STX3: variants seen among roughly 807,000 people sequenced by gnomAD.
The protein encoded by STX3 is syntaxin-3.
A neutral mutation model predicts 40.2 loss-of-function variants in STX3; 19 were observed. That is an observed-to-expected ratio of 0.47 (90% confidence interval 0.33 to 0.69). The LOEUF (loss-of-function observed/expected upper bound fraction) is 0.69, where lower values mean the gene tolerates loss of function less well. Ranked by LOEUF, STX3 falls within the 30% of genes least tolerant of loss-of-function variation. The pLI is 0.02. For missense variants in STX3, 364 were observed against 366.7 expected, an observed-to-expected ratio of 0.99 and a Z score of 0.06; for synonymous variants, 122 against 132.2, an observed-to-expected ratio of 0.92 and a Z score of 0.53.
At chr11:59,789,908 TC>T (rs986043058) in intron 4 of STX3, among the ~76,000 whole-genome samples, 2 of 152,242 alleles carry the variant, frequency 1.3e-5, no homozygotes, top group Non-Finnish European at 2.9e-5. Context: ...ATTCAGTTCT[TC>T]CAGAGCCTAG....
intron 2 of STX3, among the ~76,000 whole-genome samples, chr11:59,780,002 G>A (rs771081948): frequency 1.7e-4 from 26 of 152,094 alleles, no homozygotes; most frequent in Non-Finnish European, 2.4e-4. Flanking sequence ...TGCATTTCTG[G>A]GCTCTTCCAA....
At chr11:59,775,278 C>A (rs918107184) in intron 2 of STX3, among the ~76,000 whole-genome samples, 1 of 152,206 alleles carries the variant, frequency 6.6e-6, no homozygotes, top group South Asian at 2.1e-4. Flanking sequence ...TGAGATCAAA[C>A]AACACTTAGG....
chr11:59,795,780 C>A, intron 9 of STX3: 1 of 1,377,332 alleles, frequency 7.3e-7, no homozygotes, highest in Non-Finnish European at 1.0e-6. Context: ...CCCTGGCCAC[C>A]CCTACCTGTG....
At chr11:59,789,049 C>T in intron 4 of STX3, 102 bp downstream of exon 4, 1 of 1,025,866 alleles carries the variant, frequency 9.7e-7, no homozygotes, top group Admixed American at 2.2e-5. Flanking sequence ...ATGGAAGTGA[C>T]ACCACTTGGT....
intron 10 of STX3, chr11:59,800,563 G>A (rs1398216753): frequency 5.1e-6 from 5 of 985,260 alleles, no homozygotes; most frequent in African/African-American, 1.7e-5. Context: ...TGCAGAGCAG[G>A]TGTTTTCACT....
Position 59,804,517 on chromosome 11 carries a change from C to G in STX3, c.*3693C>G, listed in dbSNP as rs1206386649. On this transcript the variant is annotated 3_prime_UTR_variant, in exon 11 of 11. Transcript: ENST00000337979. ...GTACCAATGAGAACGTGGTTTGTTA[C>G]TGTCAGAGGCTGTGTAAAGCCGCTT... 1 of 152,228 alleles carries G rather than the reference C, an allele frequency of 6.6e-6. No individual in the cohort carries two copies. Among genetic ancestry groups the G allele is most frequent in the East Asian group, 1.9e-4 (1 of 5,190 alleles). The allele number at this position is 152,228 out of a possible 1,614,324, so 9.4% of individuals were successfully genotyped here.
rs1865221496 is a variant in STX3, at chr11:59,792,201, G to A, written c.452G>A (p.Arg151Gln). ...GAACGCAGCAAAGGGCGAATCCAGC[G>A]GCAGCTCGAAATTAGTATGTACTTG... The part of the protein sequence containing the change: ...FRERSKGRIQ[R>Q]QLEITGKKTT... Residue 151 changes from arginine (R) to glutamine (Q), a missense_variant, in exon 6 of 11, where the codon CGG becomes CAG. Arg to Gln is a conservative substitution (Grantham distance 43, BLOSUM62 1). Transcript: ENST00000337979. 3 of 1,613,706 alleles carry A rather than the reference G, an allele frequency of 1.9e-6. No homozygotes were observed. Among genetic ancestry groups the A allele is most frequent in the Non-Finnish European group, 2.5e-6 (3 of 1,180,024 alleles).
At chr11:59,789,979 C>T (rs1307385673) in intron 4 of STX3, among the ~76,000 whole-genome samples, 3 of 152,150 alleles carry the variant, frequency 2.0e-5, no homozygotes, top group African/African-American at 7.2e-5. Context: ...TTGGTGCATG[C>T]ATGCTATTGA....
Position 59,801,907 on chromosome 11 carries a change from G to C in STX3, c.*1083G>C. On this transcript the variant is annotated 3_prime_UTR_variant, in exon 11 of 11. Transcript: ENST00000337979. ...TGCAAATGAATCACTGTGGAAATGT[G>C]ATCTTCCCATATCATCAAGAAACTT... 3 of 985,448 alleles carry C rather than the reference G, an allele frequency of 3.0e-6. No individual in the cohort carries two copies. Among genetic ancestry groups the C allele is most frequent in the Non-Finnish European group, 3.6e-6 (3 of 829,922 alleles). The allele number at this position is 985,448 out of a possible 1,614,324, so 61.0% of individuals were successfully genotyped here.
Position 59,790,661 on chromosome 11 carries a change from T to G in STX3, c.357+75T>G, listed in dbSNP as rs146100066. The G allele has an allele frequency of 1.1e-4, 125 of 1,127,060 alleles. No homozygotes were observed. The African/African-American group carries it at 1.8e-3, about 16-fold the overall frequency. 69.8% of individuals were successfully genotyped at this position (1,127,060 alleles called of 1,614,324 possible). A position where few individuals can be genotyped will look rare whatever the true frequency, so the allele number is the denominator to read the frequency against. ...TTCCCTTAACTGTGGAGGGATTTTT[T>G]TTTTTTAATACAATCCTTATTTTGA... On this transcript the variant is annotated intron_variant, in intron 5 of 10. Transcript: ENST00000337979.
intron 10 of STX3, chr11:59,799,746 C>T (rs1865762829): frequency 2.0e-6 from 2 of 985,230 alleles, no homozygotes; most frequent in African/African-American, 1.7e-5. Flanking sequence ...CAGCATTGAG[C>T]ATTCAACTTC....
chr11:59,776,546 C>T (rs757428999), intron 2 of STX3, among the ~76,000 whole-genome samples: 5 of 152,134 alleles, frequency 3.3e-5, no homozygotes, highest in Non-Finnish European at 5.9e-5. Context: ...TGATCATGCC[C>T]ACTACACCCT....
At chr11:59,769,864 G>A (rs1000817860) in intron 1 of STX3, among the ~76,000 whole-genome samples, 1 of 150,748 alleles carries the variant, frequency 6.6e-6, no homozygotes, top group African/African-American at 2.4e-5. Flanking sequence ...GTATGTGTTT[G>A]TGTGGGGGGG....
intron 3 of STX3, 96 bp from the exon 4 acceptor site, chr11:59,788,777 C>T (rs757480810): frequency 1.2e-4 from 124 of 1,026,638 alleles, no homozygotes; most frequent in Non-Finnish European, 1.6e-4. Flanking sequence ...AGTGGATGCC[C>T]GATAAAGCTC....
Position 59,799,469 on chromosome 11 carries a change from T to C in STX3, c.*31-1386T>C, listed in dbSNP as rs894163270. 2.0e-5 allele frequency among the ~76,000 whole-genome samples: 3 copies of C among 152,238 alleles called. No homozygotes were observed. In the East Asian group the frequency reaches 5.8e-4, roughly 29 times the overall value. On this transcript the variant is annotated intron_variant, in intron 10 of 10. Coordinates refer to ENST00000337979, the MANE Select transcript of STX3 (RefSeq NM_004177.5). ...GGCCATACTCTCAAATATTTAACAT[T>C]TTCACAATGTTGGAGGTTTATGTTA...
intron 1 of STX3, among the ~76,000 whole-genome samples, chr11:59,772,234 C>G (rs1242243363): frequency 6.6e-6 from 1 of 152,246 alleles, no homozygotes. Flanking sequence ...CCTTTCACAA[C>G]AGTCAGTTCT....
intron 9 of STX3, 33 bp downstream of exon 9, chr11:59,795,515 G>A: frequency 6.3e-7 from 1 of 1,589,578 alleles, no homozygotes; most frequent in Non-Finnish European, 8.6e-7. Context: ...AGAGAAGAGA[G>A]TCCATTTTGT....
chr11:59,774,570 C>T (rs758464721), intron 2 of STX3, among the ~76,000 whole-genome samples: 5 of 152,098 alleles, frequency 3.3e-5, no homozygotes, highest in Admixed American at 1.3e-4. Flanking sequence ...TGGTGGCTCA[C>T]GCTTGTAATC....
chr11:59,793,381 T>G lies in STX3; in HGVS notation c.542T>G (p.Ile181Ser). Residue 181 changes from isoleucine to serine, a missense_variant and splice_region_variant, in exon 8 of 11, where the codon ATC (isoleucine) becomes AGC (serine). By Grantham distance (142) the Ile-to-Ser change is moderately radical (BLOSUM62 -2). Coordinates refer to ENST00000337979, the MANE Select transcript of STX3 (RefSeq NM_004177.5). ...CAGTCTGTGTGTGGCCTGTTGTAGA[T>G]CATTGACTCACAGATTTCCAAGCAA... is the stretch of plus-strand genomic sequence containing the variant. ...SGNPAIFTSGIIDSQISKQAL... is the reference protein window; with the variant it reads ...SGNPAIFTSGSIDSQISKQAL... 1.2e-6 allele frequency: 2 copies of G among 1,613,584 alleles called. No individual in the cohort carries two copies. The highest frequency in any genetic ancestry group is 1.7e-6 in the Non-Finnish European group (2 of 1,179,692).
Sources: gnomAD v4.1 joint callset for allele counts (sites outside exome capture counted in the v4.1 genomes callset) on GRCh38, gnomAD v4.1.1 for gene constraint, MANE v1.5 for transcripts, NCBI Gene and HGNC (gene_info 2026-07-23, HGNC 2026-07-21) for gene names.